The following EYA2 variants were observed in gnomAD, a reference collection of about 807,000 sequenced individuals.
EYA2 encodes protein phosphatase EYA2.
Under a neutral mutation model 69.2 loss-of-function variants are expected in EYA2, and 31 were observed. That is an observed-to-expected ratio of 0.45 (90% confidence interval 0.34 to 0.60). The LOEUF (loss-of-function observed/expected upper bound fraction) is 0.60, where lower values mean the gene tolerates loss of function less well. EYA2 is among the 20% of genes least tolerant of loss of function. EYA2 has a pLI of 0.02. For synonymous variants in EYA2, 257 were observed against 279.4 expected (o/e 0.92, Z 0.80); for missense variants, 622 against 701.2 (o/e 0.89, Z 1.28).
intron 5 of EYA2, among the ~76,000 whole-genome samples, chr20:47,057,139 G>GAGGAAGGAAGGAAGGAAGGAAGGAAGGA: frequency 1.5e-5 from 2 of 129,180 alleles, no homozygotes; most frequent in East Asian, 5.0e-4. Flanking sequence ...AGGAAGGAGG[G>GAGGAAGGAAGGAAGGAAGGAAGGAAGGA]AGGAAGGAAG....
At chr20:47,038,811 AAG>A (rs1320571711) in intron 5 of EYA2, among the ~76,000 whole-genome samples, 1 of 152,144 alleles carries the variant, frequency 6.6e-6, no homozygotes, top group Non-Finnish European at 1.5e-5. Flanking sequence ...TCCTGTTTCT[AAG>A]AGTGTGAGTA....
chr20:46,936,916 C>T (rs143626760), intron 1 of EYA2, among the ~76,000 whole-genome samples: 102 of 152,278 alleles, frequency 6.7e-4, no homozygotes, highest in African/African-American at 2.2e-3. Context: ...TGTTCAAGCC[C>T]GCTCGGGTCC....
At chr20:47,156,433 G>C (rs1160300644) in intron 10 of EYA2, among the ~76,000 whole-genome samples, 2 of 151,684 alleles carry the variant, frequency 1.3e-5, no homozygotes, top group Non-Finnish European at 1.5e-5. Context: ...GAATGGCCAG[G>C]CATTCGGGCA....
intron 9 of EYA2, among the ~76,000 whole-genome samples, chr20:47,133,964 A>G (rs904138713): frequency 6.6e-6 from 1 of 152,242 alleles, no homozygotes; most frequent in African/African-American, 2.4e-5. Context: ...GTGGAAGTGC[A>G]TGGTGTGGCC....
intron 5 of EYA2, among the ~76,000 whole-genome samples, chr20:47,022,912 G>C (rs1423267788): frequency 6.6e-6 from 1 of 151,816 alleles, no homozygotes; most frequent in African/African-American, 2.4e-5. Flanking sequence ...AGTGTTTTTA[G>C]TATATTCACT....
chr20:47,014,756 A>T (rs994511046), intron 4 of EYA2, among the ~76,000 whole-genome samples: 2 of 151,698 alleles, frequency 1.3e-5, no homozygotes, highest in African/African-American at 4.8e-5. Context: ...GCATGTATAT[A>T]TGTGTGTATA....
In EYA2 at chr20:46,909,588, G is replaced by A. The variant is rs975461268; in HGVS notation, c.-11+14601G>A. Among the ~76,000 whole-genome samples, 5 of 152,178 alleles carry A rather than the reference G, an allele frequency of 3.3e-5. No individual in the cohort carries two copies. The East Asian group carries it at 5.8e-4, about 18-fold the overall frequency. On this transcript the variant is annotated intron_variant, in intron 1 of 15. Transcript: ENST00000327619. ...TATTGCCTTGGGAAATGAAAAGTTC[G>A]AGGAGGGCTGGTTTCAGGTACAGCT...
intron 9 of EYA2, among the ~76,000 whole-genome samples, chr20:47,112,230 A>G (rs946140459): frequency 7.9e-5 from 12 of 152,220 alleles, no homozygotes; most frequent in African/African-American, 2.9e-4. Context: ...AAGAAAATCC[A>G]CATTGCCCAT....
chr20:47,066,123 T>G (rs375550635), intron 5 of EYA2, among the ~76,000 whole-genome samples: 2 of 152,150 alleles, frequency 1.3e-5, no homozygotes, highest in East Asian at 3.9e-4. Flanking sequence ...GCAGATTGCT[T>G]GAGCCCAGGA....
At chr20:47,104,675 TG>T (rs1430626659) in intron 9 of EYA2, among the ~76,000 whole-genome samples, 1 of 152,192 alleles carries the variant, frequency 6.6e-6, no homozygotes, top group East Asian at 1.9e-4. Context: ...CAGTAGCATT[TG>T]TTGAAAAGAC....
intron 7 of EYA2, 83 bp downstream of exon 7, chr20:47,074,418 T>G (rs2031435045): frequency 5.6e-6 from 8 of 1,425,836 alleles, no homozygotes; most frequent in Admixed American, 1.9e-5. Context: ...GGGTCCCAAT[T>G]GTAACAAACA....
intron 1 of EYA2, among the ~76,000 whole-genome samples, chr20:46,945,635 C>T (rs1568680942): frequency 6.6e-6 from 1 of 152,168 alleles, no homozygotes; most frequent in Non-Finnish European, 1.5e-5. Context: ...TTTCATGACT[C>T]GACTCTGGTC....
At chr20:47,127,679 A>G (rs1052439132) in intron 9 of EYA2, among the ~76,000 whole-genome samples, 9 of 152,248 alleles carry the variant, frequency 5.9e-5, no homozygotes, top group South Asian at 4.1e-4. Flanking sequence ...GGGGCTCCCA[A>G]GACTCTCCTC....
chr20:47,066,309 G>A (rs1417921492), intron 5 of EYA2, among the ~76,000 whole-genome samples: 1 of 151,982 alleles, frequency 6.6e-6, no homozygotes, highest in Non-Finnish European at 1.5e-5. Flanking sequence ...TCCAGCCTGG[G>A]CAACAGAGTG....
chr20:47,049,418 G>A (rs1227692868), intron 5 of EYA2, among the ~76,000 whole-genome samples: 1 of 152,210 alleles, frequency 6.6e-6, no homozygotes, highest in Non-Finnish European at 1.5e-5. Context: ...CATTGTTGGA[G>A]GTGGGGCCTG....
chr20:46,959,743 C>T (rs1002796171), intron 1 of EYA2, among the ~76,000 whole-genome samples: 1 of 152,220 alleles, frequency 6.6e-6, no homozygotes, highest in African/African-American at 2.4e-5. Context: ...TACCCTCTCC[C>T]AACCCCCACG....
intron 15 of EYA2, among the ~76,000 whole-genome samples, chr20:47,185,544 C>T (rs557632262): frequency 5.3e-5 from 8 of 152,130 alleles, no homozygotes; most frequent in African/African-American, 1.4e-4. Context: ...TCAGGTGATC[C>T]GACCACCTCA....
At chr20:46,901,441 T>C (rs914737675) in intron 1 of EYA2, 1 of 152,204 alleles carries the variant, frequency 6.6e-6, no homozygotes, top group African/African-American at 2.4e-5. Context: ...AAATCTCTAT[T>C]GATTGGCAGC....
intron 2 of EYA2, among the ~76,000 whole-genome samples, chr20:46,993,646 G>A (rs771021703): frequency 6.6e-6 from 1 of 152,194 alleles, no homozygotes; most frequent in Non-Finnish European, 1.5e-5. Flanking sequence ...TGGAGCCCAC[G>A]CTAGGGTGCT....
Sources: allele counts gnomAD v4.1 joint callset (sites outside exome capture counted in the v4.1 genomes callset), GRCh38; gene constraint gnomAD v4.1.1; transcripts MANE v1.5; gene names NCBI Gene and HGNC (gene_info 2026-07-23, HGNC 2026-07-21).